Variants in SGCZ observed in about 807,000 individuals in gnomAD.
SGCZ encodes sarcoglycan zeta.
A neutral mutation model predicts 41.3 loss-of-function variants in SGCZ; 40 were observed. That is an observed-to-expected ratio of 0.97 (90% CI 0.75 to 1.26). SGCZ has a LOEUF of 1.26. SGCZ is among the 50% of genes most tolerant of loss of function. The probability of loss-of-function intolerance (pLI) is 0.00; values close to 1 mark genes in which losing one functional copy is unlikely to be tolerated. For synonymous variants in SGCZ, 206 were observed against 137.5 expected (o/e 1.50, Z -3.49); for missense variants, 552 against 369.8 (o/e 1.49, Z -4.04).
intron 5 of SGCZ, among the ~76,000 whole-genome samples, chr8:14,126,001 T>C (rs1317579693): frequency 6.6e-6 from 1 of 152,102 alleles, no homozygotes; most frequent in African/African-American, 2.4e-5. Context: ...AAGACATAAA[T>C]GTAAAACCCA....
At chr8:14,254,267 C>T (rs1799386888) in intron 3 of SGCZ, among the ~76,000 whole-genome samples, 1 of 152,092 alleles carries the variant, frequency 6.6e-6, no homozygotes, top group South Asian at 2.1e-4. Context: ...TAAAAGAAAG[C>T]AAAGAAATTT....
chr8:14,323,080 G>C (rs892975170), intron 3 of SGCZ, among the ~76,000 whole-genome samples: 2 of 152,020 alleles, frequency 1.3e-5, no homozygotes, highest in African/African-American at 4.8e-5. Context: ...TACCAGAGTA[G>C]AGTCAATACA....
At position 14,603,518 on chromosome 8, in the gene SGCZ, G is replaced by C. The variant is rs550863256; in HGVS notation, c.40-48592C>G. On this transcript the variant is annotated intron_variant, in intron 1 of 7. Coordinates refer to ENST00000382080, the MANE Select transcript of SGCZ (RefSeq NM_139167.4). ...AAGATGTAAAAGAAAGAAACTTCAA[G>C]TATCTTCAAACTAACAGCATTTTAT... Among the ~76,000 whole-genome samples, 4 of 151,436 alleles carry C rather than the reference G, an allele frequency of 2.6e-5. No homozygotes were observed. The South Asian group carries it at 8.4e-4, about 32-fold the overall frequency.
At chr8:14,809,830 A>C (rs965257951) in intron 1 of SGCZ, among the ~76,000 whole-genome samples, 1 of 152,162 alleles carries the variant, frequency 6.6e-6, no homozygotes, top group African/African-American at 2.4e-5. Flanking sequence ...CAAAAGTACT[A>C]TTAATTCTGA....
intron 5 of SGCZ, among the ~76,000 whole-genome samples, chr8:14,158,128 T>C (rs1181298571): frequency 1.3e-5 from 2 of 151,860 alleles, no homozygotes; most frequent in South Asian, 2.1e-4. Context: ...CAAAACCCTA[T>C]GTGGTAAGTG....
intron 1 of SGCZ, among the ~76,000 whole-genome samples, chr8:15,150,586 G>A (rs1183371424): frequency 6.6e-6 from 1 of 152,146 alleles, no homozygotes; most frequent in Non-Finnish European, 1.5e-5. Context: ...GTCGGTCCCT[G>A]TTGATACTTG....
At chr8:14,682,503 C>G (rs531418999) in intron 1 of SGCZ, among the ~76,000 whole-genome samples, 1 of 150,470 alleles carries the variant, frequency 6.6e-6, no homozygotes. Context: ...GGTGCAATCA[C>G]GGCTCACTGC....
At chr8:15,217,388 A>T (rs995944454) in intron 1 of SGCZ, among the ~76,000 whole-genome samples, 1 of 150,776 alleles carries the variant, frequency 6.6e-6, no homozygotes, top group Non-Finnish European at 1.5e-5. Flanking sequence ...CCGCACTCCA[A>T]CCTGGGAGAC....
At position 14,358,466 on chromosome 8, in the gene SGCZ, G is replaced by T. The variant is rs566068230; in HGVS notation, c.235-34262C>A. 2.6e-5 allele frequency among the ~76,000 whole-genome samples: 4 copies of T among 152,116 alleles called. 1 individual carries two copies. The highest frequency in any genetic ancestry group is 2.6e-4 in the Admixed American group (4 of 15,270). On this transcript the variant is annotated intron_variant, in intron 2 of 7. Coordinates refer to ENST00000382080, the MANE Select transcript of SGCZ (RefSeq NM_139167.4). ...GTCACCAGATGGTAACGCAATGTAT[G>T]GCTAAACTTCAGTTACTATATAAAA...
At chr8:14,806,921 T>C (rs1801552917) in intron 1 of SGCZ, among the ~76,000 whole-genome samples, 1 of 151,028 alleles carries the variant, frequency 6.6e-6, no homozygotes. Flanking sequence ...GCAAGGCTGG[T>C]TCAATATATG....
chr8:14,105,552 T>TTTTAA (rs1191439186), intron 6 of SGCZ, among the ~76,000 whole-genome samples: 1 of 152,132 alleles, frequency 6.6e-6, no homozygotes, highest in Non-Finnish European at 1.5e-5. Context: ...GACACCCTGC[T>TTTTAA]TTTAATTTTC....
chr8:14,201,121 G>T (rs757711781), intron 4 of SGCZ, among the ~76,000 whole-genome samples: 1 of 152,132 alleles, frequency 6.6e-6, no homozygotes, highest in African/African-American at 2.4e-5. Flanking sequence ...TGGTGAAATA[G>T]CAAGTTTTGC....
chr8:15,174,912 T>G (rs1387924684), intron 1 of SGCZ, among the ~76,000 whole-genome samples: 3 of 150,154 alleles, frequency 2.0e-5, no homozygotes, highest in African/African-American at 7.6e-5. Flanking sequence ...TGTAAATTAA[T>G]TCAACTGTCA....
intron 1 of SGCZ, among the ~76,000 whole-genome samples, chr8:14,919,078 C>T (rs1799517314): frequency 6.6e-6 from 1 of 152,082 alleles, no homozygotes; most frequent in African/African-American, 2.4e-5. Flanking sequence ...TGCGTTGATT[C>T]AATTAGTTAA....
At chr8:14,357,924 G>T (rs1329996979) in intron 2 of SGCZ, among the ~76,000 whole-genome samples, 1 of 152,146 alleles carries the variant, frequency 6.6e-6, no homozygotes, top group African/African-American at 2.4e-5. Flanking sequence ...TTTCCCCAGT[G>T]ATTCCATGAC....
intron 2 of SGCZ, among the ~76,000 whole-genome samples, chr8:14,549,686 T>A (rs1204578144): frequency 2.0e-5 from 3 of 152,112 alleles, no homozygotes; most frequent in Admixed American, 2.0e-4. Context: ...ATGAACCATA[T>A]AATTATATTT....
intron 1 of SGCZ, among the ~76,000 whole-genome samples, chr8:15,081,569 G>GA (rs33943291): frequency 6.0e-5 from 9 of 150,952 alleles, no homozygotes; most frequent in African/African-American, 1.2e-4. Flanking sequence ...TGAAAGAACA[G>GA]AAAAAAATAG....
chr8:14,326,121 A>AAAAAAAAAAAAAAAAAAT (rs1802102682), intron 2 of SGCZ, among the ~76,000 whole-genome samples: 1 of 146,936 alleles, frequency 6.8e-6, no homozygotes, highest in African/African-American at 2.5e-5. Context: ...CAAAAAAAAA[A>AAAAAAAAAAAAAAAAAAT]AAAAAAAAAG....
intron 1 of SGCZ, among the ~76,000 whole-genome samples, chr8:14,918,959 G>A (rs778633278): frequency 6.6e-6 from 1 of 152,208 alleles, no homozygotes; most frequent in Non-Finnish European, 1.5e-5. Flanking sequence ...CCTGAAGGAA[G>A]ACTGGGGGGT....
Sources: allele counts gnomAD v4.1 joint callset (sites outside exome capture counted in the v4.1 genomes callset), GRCh38; gene constraint gnomAD v4.1.1; transcripts MANE v1.5; gene names NCBI Gene and HGNC (gene_info 2026-07-23, HGNC 2026-07-21).